Variants in STAT1 observed in about 807,000 individuals in gnomAD.
STAT1 encodes signal transducer and activator of transcription 1-alpha/beta.
A neutral mutation model predicts 111.7 loss-of-function variants in STAT1; 24 were observed. The observed-to-expected ratio is 0.21, with a 90% confidence interval of 0.16 to 0.30. STAT1 has a LOEUF of 0.30. STAT1 is among the 10% of genes least tolerant of loss of function. The pLI is 1.00. For missense variants in STAT1, 351 were observed against 911.9 expected (o/e 0.38, Z 7.92); for synonymous variants, 332 against 326.5 (o/e 1.02, Z -0.18).
chr2:190,997,782 C>G lies in STAT1; in HGVS notation c.785+74G>C. 1 of 1,605,186 alleles carries G rather than the reference C, an allele frequency of 6.2e-7. No individual in the cohort carries two copies. Among genetic ancestry groups the G allele is most frequent in the Non-Finnish European group, 8.5e-7 (1 of 1,175,390 alleles). ...TTTGACAGGGTCCATTCAACTAACA[C>G]AGCTCAAAGGTACATTTATGTGTTT... is the stretch of plus-strand genomic sequence containing the variant. On this transcript the variant is annotated intron_variant, in intron 9 of 24. Transcript: ENST00000361099. The surrounding 1 kb of genome is among the most constrained non-coding windows in gnomAD (Gnocchi z 7.3).
In STAT1 at chr2:190,974,112, T is replaced by C. The variant is rs945365288; in HGVS notation, c.2238+718A>G. 1.3e-5 allele frequency among the ~76,000 whole-genome samples: 2 copies of C among 152,162 alleles called. No homozygotes were observed. The highest frequency in any genetic ancestry group is 2.9e-5 in the Non-Finnish European group (2 of 68,022). The stretch of plus-strand genomic sequence containing the variant: ...GCTCCATGTGGAAAAGAGCTTAAAA[T>C]TAAACAGCATCAGCAAAAATCCAGC... On this transcript the variant is annotated intron_variant, in intron 24 of 24. Transcript: ENST00000361099. The surrounding 1 kb of genome is among the most constrained non-coding windows in gnomAD (Gnocchi z 4.8).
chr2:190,973,241 T>C lies in STAT1; in HGVS notation c.2238+1589A>G, dbSNP rs1400646656. ...CAAAGATTAGCTTTTTGTGGGAGGCTTTCCAGGATACCGGACAAAAGCATG... is the reference window on the plus strand; with the variant it reads ...CAAAGATTAGCTTTTTGTGGGAGGCCTTCCAGGATACCGGACAAAAGCATG... On this transcript the variant is annotated intron_variant, in intron 24 of 24. Transcript: ENST00000361099. This position sits in a 1 kb window ranked among gnomAD's most constrained non-coding sequence, Gnocchi z 4.4. 6.6e-6 allele frequency among the ~76,000 whole-genome samples: 1 copy of C among 152,190 alleles called. No homozygotes were observed. Among genetic ancestry groups the C allele is most frequent in the East Asian group, 1.9e-4 (1 of 5,200 alleles).
chr2:190,983,436 C>A lies in STAT1; in HGVS notation c.1446+206G>T, dbSNP rs981828456. 6.6e-5 allele frequency among the ~76,000 whole-genome samples: 10 copies of A among 152,142 alleles called. No individual in the cohort carries two copies. Among genetic ancestry groups the A allele is most frequent in the African/African-American group, 2.4e-4 (10 of 41,406 alleles). ...GGAATCACTGACTGCCCTAGCTTAC[C>A]CACATGGGAGAAAAAACGTAATTCT... On this transcript the variant is annotated intron_variant, in intron 17 of 24. Transcript: ENST00000361099. The surrounding 1 kb of genome is among the most constrained non-coding windows in gnomAD (Gnocchi z 5.7).
chr2:190,980,672 A>G lies in STAT1; in HGVS notation c.1583-3T>C. Reference sequence around the variant, plus strand: ...ACCATCGGGGCTGGCGTTAGGACCTAAACAAATAAAAACCAGATTTTTCAG... The same window carrying G: ...ACCATCGGGGCTGGCGTTAGGACCTGAACAAATAAAAACCAGATTTTTCAG... On this transcript the variant is annotated splice_polypyrimidine_tract_variant and splice_region_variant and intron_variant, in intron 18 of 24. Coordinates refer to ENST00000361099, the MANE Select transcript of STAT1 (RefSeq NM_007315.4). This position sits in a 1 kb window ranked among gnomAD's most constrained non-coding sequence, Gnocchi z 6.1. 2 of 1,614,184 alleles carry G rather than the reference A, an allele frequency of 1.2e-6. No individual in the cohort carries two copies. Among genetic ancestry groups the G allele is most frequent in the Non-Finnish European group, 1.7e-6 (2 of 1,180,012 alleles).
At position 190,984,413 on chromosome 2, in the gene STAT1, G is replaced by A; in HGVS notation, c.1264-20C>T. 1 of 1,596,816 alleles carries A rather than the reference G, an allele frequency of 6.3e-7. No individual in the cohort carries two copies. The highest frequency in any genetic ancestry group is 8.6e-7 in the Non-Finnish European group (1 of 1,164,654). Reference sequence around the variant, plus strand: ...AGGACCCTTGGAAGAGAAAAGGAAAGAAGAAAAGAATATAATTATTCACAG... The same window carrying A: ...AGGACCCTTGGAAGAGAAAAGGAAAAAAGAAAAGAATATAATTATTCACAG... On this transcript the variant is annotated intron_variant, in intron 15 of 24. Coordinates refer to ENST00000361099, the MANE Select transcript of STAT1 (RefSeq NM_007315.4). The surrounding 1 kb of genome is among the most constrained non-coding windows in gnomAD (Gnocchi z 5.2).
chr2:191,002,907 T>C (rs1174529487), intron 5 of STAT1, among the ~76,000 whole-genome samples: 1 of 152,240 alleles, frequency 6.6e-6, no homozygotes, highest in Non-Finnish European at 1.5e-5. Context: ...AAATGCTTTT[T>C]TCTCCTTGTA....
intron 10 of STAT1, among the ~76,000 whole-genome samples, chr2:190,994,635 T>G (rs114402021): frequency 3.9e-5 from 6 of 151,910 alleles, no homozygotes; most frequent in African/African-American, 1.5e-4. Flanking sequence ...ATTAAAAAAT[T>G]TGAGGCCAGG....
rs570079959 is a variant in STAT1 at position 190,999,800 on chromosome 2, G to A, written c.463-96C>T. The stretch of plus-strand genomic sequence containing the variant: ...GCTTCTATGGAACCCAGAGAAACAC[G>A]AAAACAATTCCATCTCCCCCAAAAA... On this transcript the variant is annotated intron_variant, in intron 6 of 24. Transcript: ENST00000361099. The surrounding 1 kb of genome is among the most constrained non-coding windows in gnomAD (Gnocchi z 4.1). 8.0e-5 allele frequency: 66 copies of A among 821,422 alleles called. No homozygotes were observed. The East Asian group carries it at 1.6e-3, about 21-fold the overall frequency. The allele number at this position is 821,422 out of a possible 1,614,324, so 50.9% of individuals were successfully genotyped here. A position where few individuals can be genotyped will look rare whatever the true frequency, so the allele number is the denominator to read the frequency against.
Position 191,007,812 on chromosome 2 carries a change from A to T in STAT1, c.274-151T>A. 1.5e-6 allele frequency: 1 copy of T among 684,786 alleles called. No homozygotes were observed. 42.4% of individuals were successfully genotyped at this position (684,786 alleles called of 1,614,324 possible). ...ATATAAGCTATGTTTGTTAAAATCA[A>T]AATATTTCTTTCACGAATTATGACA... On this transcript the variant is annotated intron_variant, in intron 4 of 24. Coordinates refer to ENST00000361099, the MANE Select transcript of STAT1 (RefSeq NM_007315.4). This position sits in a 1 kb window ranked among gnomAD's most constrained non-coding sequence, Gnocchi z 4.2.
At position 190,981,017 on chromosome 2, in the gene STAT1, C is replaced by G. The variant is rs779512892; in HGVS notation, c.1583-348G>C. 2.6e-4 allele frequency among the ~76,000 whole-genome samples: 40 copies of G among 151,182 alleles called. No homozygotes were observed. The highest frequency in any genetic ancestry group is 9.2e-4 in the Admixed American group (14 of 15,160). Reference sequence around the variant, plus strand: ...ATCTGCTCTCTCCCTCCCCAGCCCCCCTTTTCCCTCCCTCCTCTAAAGAGA... The same window carrying G: ...ATCTGCTCTCTCCCTCCCCAGCCCCGCTTTTCCCTCCCTCCTCTAAAGAGA... On this transcript the variant is annotated intron_variant, in intron 18 of 24. Transcript: ENST00000361099. This position sits in a 1 kb window ranked among gnomAD's most constrained non-coding sequence, Gnocchi z 4.1.
Position 190,999,841 on chromosome 2 carries a change from C to A in STAT1, c.463-137G>T, listed in dbSNP as rs554073613. The A allele has an allele frequency of 1.7e-5, 11 of 657,498 alleles. No homozygotes were observed. Among genetic ancestry groups the A allele is most frequent in the South Asian group, 1.2e-4 (7 of 59,318 alleles). The allele number at this position is 657,498 out of a possible 1,614,324, so 40.7% of individuals were successfully genotyped here. A position where few individuals can be genotyped will look rare whatever the true frequency, so the allele number is the denominator to read the frequency against. ...CCCCCAAAAAGAGATCTGACTTGGA[C>A]AGTTCTAATCATATACATGAAATAA... On this transcript the variant is annotated intron_variant, in intron 6 of 24. Transcript: ENST00000361099. This position sits in a 1 kb window ranked among gnomAD's most constrained non-coding sequence, Gnocchi z 4.1.
rs556347486 is a variant in STAT1, at chr2:190,990,087, T to C, written c.1038-413A>G. 2.2e-4 allele frequency among the ~76,000 whole-genome samples: 33 copies of C among 152,268 alleles called. No homozygotes were observed. Among genetic ancestry groups the C allele is most frequent in the African/African-American group, 7.7e-4 (32 of 41,548 alleles). ...TAATCTTTGTCCTGTTGGGAGACAATAAAAACTATTGCCCATAAGCAGAAA... is the reference window on the plus strand; with the variant it reads ...TAATCTTTGTCCTGTTGGGAGACAACAAAAACTATTGCCCATAAGCAGAAA... On this transcript the variant is annotated intron_variant, in intron 11 of 24. Coordinates refer to ENST00000361099, the MANE Select transcript of STAT1 (RefSeq NM_007315.4). This position sits in a 1 kb window ranked among gnomAD's most constrained non-coding sequence, Gnocchi z 5.1.
In STAT1 at chr2:190,986,807, G is replaced by T. The variant is rs1306673588; in HGVS notation, c.1221+47C>A. 1.9e-6 allele frequency: 3 copies of T among 1,575,572 alleles called. No homozygotes were observed. The highest frequency in any genetic ancestry group is 2.7e-5 in the African/African-American group (2 of 74,198). On this transcript the variant is annotated intron_variant, in intron 14 of 24. Coordinates refer to ENST00000361099, the MANE Select transcript of STAT1 (RefSeq NM_007315.4). The surrounding 1 kb of genome is among the most constrained non-coding windows in gnomAD (Gnocchi z 5.0). ...AAAAAGGGCTGCTCTATTGTCAAAAGTCCTAAGAAACCAGAGACAACATAG... is the reference window on the plus strand; with the variant it reads ...AAAAAGGGCTGCTCTATTGTCAAAATTCCTAAGAAACCAGAGACAACATAG...
In STAT1 at chr2:190,986,872, C is replaced by A. The variant is rs777078754; in HGVS notation, c.1203G>T (p.Ala401=). The change falls in exon 14 of 25, where the codon GCG becomes GCT. Residue 401 remains alanine, a synonymous_variant. Transcript: ENST00000361099. This position sits in a 1 kb window ranked among gnomAD's most constrained non-coding sequence, Gnocchi z 5.0. The stretch of plus-strand genomic sequence containing the variant: ...TCCCTACCAGGTGCCGAAATTCAGC[C>A]GCCAGACTGCCATTGGTGGACTCCT... ...NMEESTNGSL[A]AEFRHLQLKE... is the part of the protein sequence containing the mutation. 1 of 1,614,208 alleles carries A rather than the reference C, an allele frequency of 6.2e-7. No homozygotes were observed. The highest frequency in any genetic ancestry group is 8.5e-7 in the Non-Finnish European group (1 of 1,180,048).
chr2:191,009,733 T>C, intron 3 of STAT1, 143 bp downstream of exon 3: 1 of 1,251,232 alleles, frequency 8.0e-7, no homozygotes, highest in Non-Finnish European at 1.1e-6. Flanking sequence ...AGTCATTTTT[T>C]AAATCAACAA....
In STAT1 at chr2:190,980,685, C is replaced by A. The variant is rs776782549; in HGVS notation, c.1583-16G>T. 1.2e-6 allele frequency: 2 copies of A among 1,613,854 alleles called. No individual in the cohort carries two copies. The highest frequency in any genetic ancestry group is 3.3e-5 in the Admixed American group (2 of 59,990). On this transcript the variant is annotated splice_polypyrimidine_tract_variant and intron_variant, in intron 18 of 24. Transcript: ENST00000361099. The surrounding 1 kb of genome is among the most constrained non-coding windows in gnomAD (Gnocchi z 6.1). The stretch of plus-strand genomic sequence containing the variant: ...GCGTTAGGACCTAAACAAATAAAAA[C>A]CAGATTTTTCAGCAAACAGAAACTG...
chr2:190,980,572 C>G lies in STAT1; in HGVS notation c.1632+48G>C. ...ACAGCAAGAAACATGAGAACCTCAA[C>G]CAAGAGCAAAAAGGACTTAGAGAGC... On this transcript the variant is annotated intron_variant, in intron 19 of 24. Coordinates refer to ENST00000361099, the MANE Select transcript of STAT1 (RefSeq NM_007315.4). This position sits in a 1 kb window ranked among gnomAD's most constrained non-coding sequence, Gnocchi z 6.1. The G allele has an allele frequency of 6.3e-7, 1 of 1,598,880 alleles. No homozygotes were observed. Among genetic ancestry groups the G allele is most frequent in the Non-Finnish European group, 8.6e-7 (1 of 1,166,094 alleles).
At chr2:190,994,926 AAATAT>A (rs1377687429) in intron 10 of STAT1, 130 bp downstream of exon 10, 19 of 103,680 alleles carry the variant, frequency 1.8e-4, no homozygotes, top group Non-Finnish European at 2.9e-4. Context: ...AAAAAAAAAA[AAATAT>A]ATATATATAT....
Position 191,012,494 on chromosome 2 carries a change from C to G in STAT1, c.-2+1031G>C, listed in dbSNP as rs113494663. 4.0e-3 allele frequency among the ~76,000 whole-genome samples: 615 copies of G among 152,166 alleles called. 3 individuals are homozygous for G. Among genetic ancestry groups the G allele is most frequent in the African/African-American group, 0.014 (593 of 41,524 alleles). On this transcript the variant is annotated intron_variant, in intron 2 of 24. Transcript: ENST00000361099. This position sits in a 1 kb window ranked among gnomAD's most constrained non-coding sequence, Gnocchi z 4.0. Reference sequence around the variant, plus strand: ...TCTCATCTACTCACAAAACCTGTTACCAACTCAGGGAGTGGCATGGCCATC... The same window carrying G: ...TCTCATCTACTCACAAAACCTGTTAGCAACTCAGGGAGTGGCATGGCCATC...
Sources: gnomAD v4.1 joint callset for allele counts (sites outside exome capture counted in the v4.1 genomes callset) on GRCh38, gnomAD v4.1.1 for gene constraint, Gnocchi (gnomAD v3.1) non-coding constraint, MANE v1.5 for transcripts, NCBI Gene and HGNC (gene_info 2026-07-23, HGNC 2026-07-21) for gene names.